ARV1: variants seen among roughly 807,000 people sequenced by gnomAD.
ARV1 encodes the protein protein ARV1.
ARV1 carries 26 observed loss-of-function variants against 31.1 expected under a neutral mutation model. The observed-to-expected ratio is 0.84, with a 90% CI of 0.61 to 1.16. The LOEUF is 1.16. ARV1 is among the 50% of genes most tolerant of loss of function. The pLI is 0.00. For missense variants in ARV1, 281 were observed against 324.9 expected (o/e 0.86, Z 1.04); for synonymous variants, 117 against 123.2 (o/e 0.95, Z 0.34).
chr1:230,983,946 G>A (rs539437428), intron 1 of ARV1, among the ~76,000 whole-genome samples: 8 of 152,230 alleles, frequency 5.3e-5, no homozygotes, highest in Non-Finnish European at 8.8e-5. Flanking sequence ...AAACATAGTT[G>A]CTAAATCTGG....
intron 1 of ARV1, among the ~76,000 whole-genome samples, chr1:230,985,194 G>A (rs974411253): frequency 3.3e-5 from 5 of 151,788 alleles, no homozygotes; most frequent in Admixed American, 6.6e-5. Flanking sequence ...TGACTTCTCA[G>A]CATTTATAAA....
Position 230,984,257 on chromosome 1 carries a change from G to GAAAGA in ARV1, c.175-4050_175-4046dup, listed in dbSNP as rs200398432. ...CAGAGTGAGACCTTGTCTCAAAAAGGAAAGAAAAGAAAAGAAACATATATA... is the reference window on the plus strand; with the variant it reads ...CAGAGTGAGACCTTGTCTCAAAAAGGAAAGAAAAGAAAAGAAAAGAAACATATATA... On this transcript the variant is annotated intron_variant, in intron 1 of 5. Coordinates refer to ENST00000310256, the MANE Select transcript of ARV1 (RefSeq NM_022786.3). 5.9e-3 allele frequency among the ~76,000 whole-genome samples: 896 copies of GAAAGA among 151,922 alleles called. 15 individuals carry two copies. Among genetic ancestry groups the GAAAGA allele is most frequent in the Admixed American group, 0.036 (546 of 15,244 alleles).
chr1:230,979,874 G>A (rs1342715790), intron 1 of ARV1, among the ~76,000 whole-genome samples: 1 of 152,070 alleles, frequency 6.6e-6, no homozygotes, highest in African/African-American at 2.4e-5. Flanking sequence ...AGGCCCTATG[G>A]AGTCTCCTGC....
At chr1:230,990,063 A>T in intron 2 of ARV1, 47 bp from the exon 3 acceptor site, 3 of 1,557,266 alleles carry the variant, frequency 1.9e-6, no homozygotes, top group Non-Finnish European at 2.6e-6. Context: ...ATACTAGTGC[A>T]ACTGGGTTTC....
At chr1:230,992,606 G>T (rs577675995) in intron 3 of ARV1, among the ~76,000 whole-genome samples, 1 of 152,280 alleles carries the variant, frequency 6.6e-6, no homozygotes, top group Admixed American at 6.5e-5. Context: ...GCCTGGCCCA[G>T]GTGCTTAATA....
intron 1 of ARV1, among the ~76,000 whole-genome samples, chr1:230,986,243 T>A (rs1572337071): frequency 6.6e-6 from 1 of 152,050 alleles, no homozygotes; most frequent in East Asian, 1.9e-4. Context: ...ACATTTAAGT[T>A]TGAGGTAACA....
chr1:230,982,057 G>A (rs916447211), intron 1 of ARV1, among the ~76,000 whole-genome samples: 2 of 152,152 alleles, frequency 1.3e-5, no homozygotes, highest in African/African-American at 4.8e-5. Context: ...TTAATGTTGT[G>A]TGTCTTCTCC....
At chr1:230,989,632 A>T (rs1679175446) in intron 2 of ARV1, among the ~76,000 whole-genome samples, 1 of 152,214 alleles carries the variant, frequency 6.6e-6, no homozygotes, top group Admixed American at 6.5e-5. Flanking sequence ...TGATGTTCAG[A>T]CTAATAGTTT....
chr1:230,979,433 C>A, intron 1 of ARV1, 154 bp downstream of exon 1: 2 of 859,384 alleles, frequency 2.3e-6, no homozygotes, highest in East Asian at 6.3e-5. Context: ...ATAGAGAACT[C>A]AGCTACCCGA....
intron 3 of ARV1, chr1:230,990,577 C>A (rs1386556355): frequency 7.3e-6 from 2 of 275,304 alleles, no homozygotes; most frequent in Non-Finnish European, 1.4e-5. Flanking sequence ...TTTTTTAAGA[C>A]AGGGTCTCAC....
rs141782810 is a variant in ARV1 at position 230,995,967 on chromosome 1, A to C, written c.656A>C (p.Asn219Thr). The change falls in exon 4 of 6, where the codon AAT becomes ACT. Residue 219 changes from asparagine to threonine, a missense_variant. Coordinates refer to ENST00000310256, the MANE Select transcript of ARV1 (RefSeq NM_022786.3). ...KLIKVFVLTSNFQAIRVTLNI... is the reference protein window; with the variant it reads ...KLIKVFVLTSTFQAIRVTLNI... ...ATTAAAGTATTTGTTCTTACATCAA[A>C]TTTTCAGGCAATTAGAGGTATGTTT... is the stretch of plus-strand genomic sequence containing the variant. 136 of 1,612,788 alleles carry C rather than the reference A, an allele frequency of 8.4e-5. No homozygotes were observed. Among genetic ancestry groups the C allele is most frequent in the Middle Eastern group, 8.3e-4 (5 of 6,048 alleles).
At chr1:230,980,691 C>A (rs975173069) in intron 1 of ARV1, among the ~76,000 whole-genome samples, 7 of 150,494 alleles carry the variant, frequency 4.7e-5, no homozygotes, top group African/African-American at 1.7e-4. Flanking sequence ...TTTGTTATTT[C>A]TTTACTGTAC....
rs1162209283 is a variant in ARV1, at chr1:230,986,668, A to ATTTTTTTTTTTT, written c.175-1625_175-1614dup. ...CACCCACAAATGTAATACTTTTCCTATTTTTTTTTTTTTTTTTTTTTTTTT... is the reference window on the plus strand; with the variant it reads ...CACCCACAAATGTAATACTTTTCCTATTTTTTTTTTTTTTTTTTTTTTTTTTTTTTTTTTTTT... On this transcript the variant is annotated intron_variant, in intron 1 of 5. Coordinates refer to ENST00000310256, the MANE Select transcript of ARV1 (RefSeq NM_022786.3). 7.7e-4 allele frequency among the ~76,000 whole-genome samples: 48 copies of ATTTTTTTTTTTT among 62,354 alleles called. 5 individuals carry two copies. Among genetic ancestry groups the ATTTTTTTTTTTT allele is most frequent in the South Asian group, 2.6e-3 (4 of 1,548 alleles). The allele number at this position is 62,354 out of a possible 152,430, so 40.9% of individuals were successfully genotyped here. A position where few individuals can be genotyped will look rare whatever the true frequency, so the allele number is the denominator to read the frequency against.
intron 1 of ARV1, among the ~76,000 whole-genome samples, chr1:230,983,337 G>A (rs375272603): frequency 3.3e-5 from 5 of 151,430 alleles, no homozygotes; most frequent in Non-Finnish European, 5.9e-5. Context: ...TCTTGAACCC[G>A]GGAGGCAGAG....
At chr1:230,995,594 AC>A (rs369061559) in intron 3 of ARV1, among the ~76,000 whole-genome samples, 165 bp from the exon 4 acceptor site, 2,389 of 147,536 alleles carry the variant, frequency 0.016, 62 homozygotes, top group African/African-American at 0.055. Flanking sequence ...AAAAAAAAAA[AC>A]AACACACAAA....
At chr1:230,984,369 T>TGTGTGCGTGC (rs1553303979) in intron 1 of ARV1, among the ~76,000 whole-genome samples, 5 of 88,460 alleles carry the variant, frequency 5.7e-5, no homozygotes, top group African/African-American at 1.6e-4. Context: ...TGTGCGTGTG[T>TGTGTGCGTGC]GTGTGTGTGT....
rs2103056003 is a variant in ARV1, at chr1:230,995,827, A to T, written c.516A>T (p.Lys172Asn). 6.2e-7 allele frequency: 1 copy of T among 1,614,174 alleles called. No individual in the cohort carries two copies. The highest frequency in any genetic ancestry group is 2.2e-5 in the East Asian group (1 of 44,874). Reference protein sequence around the residue: ...LWVERPMTAKKKPNFILLLKA... With the variant: ...LWVERPMTAKNKPNFILLLKA... ...TAGAACGGCCCATGACGGCAAAAAA[A>T]AAGCCCAACTTCATTTTGCTGCTGA... Residue 172 changes from lysine to asparagine, a missense_variant, in exon 4 of 6, where the codon AAA (lysine) becomes AAT (asparagine). Lys to Asn is a moderately conservative substitution (Grantham distance 94). Coordinates refer to ENST00000310256, the MANE Select transcript of ARV1 (RefSeq NM_022786.3).
At chr1:230,989,983 C>G (rs1409104608) in intron 2 of ARV1, 127 bp from the exon 3 acceptor site, 1 of 901,434 alleles carries the variant, frequency 1.1e-6, no homozygotes, top group Non-Finnish European at 1.6e-6. Context: ...CTACAATTAG[C>G]CACTTAATTG....
chr1:230,989,864 A>C lies in ARV1; in HGVS notation c.295-246A>C, dbSNP rs1488169745. ...CAAAGTATGATGTCTATGTTGTACT[A>C]TGAAGATTCTCAATCAGGACCTGGG... On this transcript the variant is annotated intron_variant, in intron 2 of 5. Coordinates refer to ENST00000310256, the MANE Select transcript of ARV1 (RefSeq NM_022786.3). 2.0e-5 allele frequency among the ~76,000 whole-genome samples: 3 copies of C among 152,242 alleles called. No homozygotes were observed. The East Asian group carries it at 5.8e-4, about 29-fold the overall frequency.
Sources: gnomAD v4.1 joint callset for allele counts (sites outside exome capture counted in the v4.1 genomes callset) on GRCh38, gnomAD v4.1.1 for gene constraint, MANE v1.5 for transcripts, NCBI Gene and HGNC (gene_info 2026-07-23, HGNC 2026-07-21) for gene names.